Variants in EMC7 observed in about 807,000 individuals in gnomAD.
EMC7 encodes the protein ER membrane protein complex subunit 7, also known as endoplasmic reticulum membrane protein complex subunit 7.
EMC7 carries 4 observed loss-of-function variants against 24.4 expected under a neutral mutation model. That is an observed-to-expected ratio of 0.16 (90% CI 0.08 to 0.38). EMC7 has a LOEUF of 0.38. Among genes scored for constraint, EMC7 ranks in the 10% least tolerant of loss-of-function variants. The pLI is 1.00. For missense variants in EMC7, 221 were observed against 300.6 expected, an observed-to-expected ratio of 0.74 and a Z score of 1.96; for synonymous variants, 106 against 112.0, an observed-to-expected ratio of 0.95 and a Z score of 0.34.
At chr15:34,096,851 G>A (rs28600243) in intron 1 of EMC7, among the ~76,000 whole-genome samples, 1 of 151,738 alleles carries the variant, frequency 6.6e-6, no homozygotes, top group African/African-American at 2.4e-5. Context: ...GCCAGGCGTG[G>A]TGGCGCATGC....
At chr15:34,093,648 TATATAAC>T (rs1189701774) in intron 2 of EMC7, among the ~76,000 whole-genome samples, 1 of 150,246 alleles carries the variant, frequency 6.7e-6, no homozygotes, top group African/African-American at 2.5e-5. Context: ...TAAAGCAGTA[TATATAAC>T]ATATACTGTG....
intron 2 of EMC7, 63 bp from the exon 3 acceptor site, chr15:34,090,518 C>A: frequency 6.5e-7 from 1 of 1,543,192 alleles, no homozygotes; most frequent in Non-Finnish European, 8.8e-7. Flanking sequence ...GTTAAAAGAA[C>A]TGCTTATATT....
At position 34,088,156 on chromosome 15, in the gene EMC7, A is replaced by C. The variant is rs780443954; in HGVS notation, c.496-23T>G. On this transcript the variant is annotated intron_variant, in intron 3 of 4. Transcript: ENST00000256545. ...AACCTGCAGAAAAAAAAAATCCAGA[A>C]AATGTTTTTCCCCCACTTTACAGTT... The C allele has an allele frequency of 1.9e-6, 3 of 1,587,746 alleles. No homozygotes were observed. In the Admixed American group the frequency reaches 5.5e-5, roughly 29 times the overall value.
At chr15:34,090,629 G>T (rs1900962230) in intron 2 of EMC7, among the ~76,000 whole-genome samples, 174 bp from the exon 3 acceptor site, 1 of 152,040 alleles carries the variant, frequency 6.6e-6, no homozygotes, top group Non-Finnish European at 1.5e-5. Flanking sequence ...TTATCTACAT[G>T]TCTAAAATAT....
intron 3 of EMC7, among the ~76,000 whole-genome samples, chr15:34,089,214 G>T (rs576739509): frequency 6.6e-6 from 1 of 152,086 alleles, no homozygotes. Flanking sequence ...AGAAAAGGTC[G>T]ATTTGTTTCT....
chr15:34,098,156 C>T (rs888547075), intron 1 of EMC7, among the ~76,000 whole-genome samples: 1 of 152,152 alleles, frequency 6.6e-6, no homozygotes, highest in African/African-American at 2.4e-5. Context: ...TATTTTCCCC[C>T]CAGACCTCTC....
intron 2 of EMC7, among the ~76,000 whole-genome samples, chr15:34,094,044 G>A (rs2140870509): frequency 6.6e-6 from 1 of 151,158 alleles, no homozygotes; most frequent in East Asian, 2.0e-4. Flanking sequence ...CAAAGTAGGG[G>A]GGAAAAGTAA....
Position 34,095,665 on chromosome 15 carries a change from T to C in EMC7, c.356+230A>G, listed in dbSNP as rs961622276. On this transcript the variant is annotated intron_variant, in intron 2 of 4. Transcript: ENST00000256545. ...AGTAAGTAATCTTACCTTTTCTTTA[T>C]GTAATCATATTAGGAGCTTTAAAAT... Among the ~76,000 whole-genome samples, 5 of 152,360 alleles carry C rather than the reference T, an allele frequency of 3.3e-5. No individual in the cohort carries two copies. The South Asian group carries it at 6.2e-4, about 19-fold the overall frequency.
At chr15:34,097,039 C>CTTTTTTTTTTT (rs553769836) in intron 1 of EMC7, among the ~76,000 whole-genome samples, 5,684 of 97,386 alleles carry the variant, frequency 0.058, 806 homozygotes, top group African/African-American at 0.072. Context: ...TGTTCTTCTT[C>CTTTTTTTTTTT]TTTTTTTTTT....
At chr15:34,088,256 T>G in intron 3 of EMC7, 123 bp from the exon 4 acceptor site, 1 of 764,564 alleles carries the variant, frequency 1.3e-6, no homozygotes, top group Non-Finnish European at 2.1e-6. Context: ...ATAACACTAG[T>G]AGCAACCACC....
At chr15:34,085,418 A>C (rs528115665) in intron 4 of EMC7, among the ~76,000 whole-genome samples, 1 of 152,356 alleles carries the variant, frequency 6.6e-6, no homozygotes, top group Non-Finnish European at 1.5e-5. Context: ...AAGTGAACTT[A>C]AAATTGACTT....
At chr15:34,091,067 T>C (rs1271794775) in intron 2 of EMC7, among the ~76,000 whole-genome samples, 1 of 152,204 alleles carries the variant, frequency 6.6e-6, no homozygotes, top group African/African-American at 2.4e-5. Context: ...ATTGCTGTGT[T>C]GGGAAATTTT....
chr15:34,097,433 A>C (rs867999771), intron 1 of EMC7, among the ~76,000 whole-genome samples: 4 of 152,154 alleles, frequency 2.6e-5, no homozygotes, highest in Middle Eastern at 3.2e-3. Flanking sequence ...AGAAGCTTAA[A>C]ATGTTTATGT....
chr15:34,091,796 AAGTGCTTTAT>A (rs1237669943), intron 2 of EMC7, among the ~76,000 whole-genome samples: 2 of 152,156 alleles, frequency 1.3e-5, no homozygotes, highest in Non-Finnish European at 2.9e-5. Flanking sequence ...CCAGGTGGGG[AAGTGCTTTAT>A]AGTTTATCCC....
At chr15:34,085,057 T>C (rs1277389803) in intron 4 of EMC7, among the ~76,000 whole-genome samples, 1 of 152,136 alleles carries the variant, frequency 6.6e-6, no homozygotes, top group African/African-American at 2.4e-5. Flanking sequence ...TTTTAATGAG[T>C]ACATTTTTAA....
chr15:34,089,516 C>G (rs72720714), intron 3 of EMC7, among the ~76,000 whole-genome samples: 2 of 152,122 alleles, frequency 1.3e-5, no homozygotes, highest in Non-Finnish European at 2.9e-5. Context: ...ATCATAACAT[C>G]GGTTCATAAT....
At chr15:34,084,601 G>A (rs1900845773) in intron 4 of EMC7, 115 bp from the exon 5 acceptor site, 16 of 1,106,338 alleles carry the variant, frequency 1.4e-5, no homozygotes, top group South Asian at 3.3e-5. Context: ...CTGGTTCTGA[G>A]CAATGATGCA....
intron 2 of EMC7, among the ~76,000 whole-genome samples, chr15:34,093,467 C>A (rs890889162): frequency 4.0e-5 from 6 of 150,924 alleles, no homozygotes; most frequent in Non-Finnish European, 7.4e-5. Flanking sequence ...ATAAGTTGAA[C>A]CATTGTAAGC....
At chr15:34,096,900 T>C (rs1901077975) in intron 1 of EMC7, among the ~76,000 whole-genome samples, 1 of 151,846 alleles carries the variant, frequency 6.6e-6, no homozygotes, top group African/African-American at 2.4e-5. Flanking sequence ...GATAGGAGAA[T>C]TGCTTTAACC....
Sources: allele counts gnomAD v4.1 joint callset (sites outside exome capture counted in the v4.1 genomes callset), GRCh38; gene constraint gnomAD v4.1.1; transcripts MANE v1.5; gene names NCBI Gene and HGNC (gene_info 2026-07-23, HGNC 2026-07-21).